The following PTK2B variants were observed in gnomAD, a reference collection of about 807,000 sequenced individuals.
PTK2B encodes protein-tyrosine kinase 2-beta.
Under a neutral mutation model 142.9 loss-of-function variants are expected in PTK2B, and 71 were observed. That is an observed-to-expected ratio of 0.50 (90% CI 0.41 to 0.61). The LOEUF is 0.61. Among genes scored for constraint, PTK2B ranks in the 20% least tolerant of loss-of-function variants. The probability of loss-of-function intolerance (pLI) is 0.00; values close to 1 mark genes in which losing one functional copy is unlikely to be tolerated. For missense variants in PTK2B, 1,105 were observed against 1,320.4 expected, an observed-to-expected ratio of 0.84 and a Z score of 2.53; for synonymous variants, 519 against 503.4, an observed-to-expected ratio of 1.03 and a Z score of -0.42.
At chr8:27,419,848 C>T (rs2131821616) in intron 2 of PTK2B, 47 bp from the exon 3 acceptor site, 2 of 1,601,024 alleles carry the variant, frequency 1.2e-6, no homozygotes, top group South Asian at 2.2e-5. Context: ...TTATGGGAGC[C>T]CAAAGGTGGG....
In PTK2B at chr8:27,409,700, CCTT is replaced by C. The variant is rs548854542; in HGVS notation, c.205-10191_205-10189del. ...TTTTGTCCTCAACCTCAGAGTGACA[CCTT>C]CTTAAATAAAATGTAAGCAAGACTT... On this transcript the variant is annotated intron_variant, in intron 2 of 30. Coordinates refer to ENST00000346049, the MANE Select transcript of PTK2B (RefSeq NM_173176.3). 3.1e-3 allele frequency among the ~76,000 whole-genome samples: 472 copies of C among 152,274 alleles called. 3 individuals carry two copies. The highest frequency in any genetic ancestry group is 0.011 in the African/African-American group (449 of 41,540).
intron 1 of PTK2B, among the ~76,000 whole-genome samples, chr8:27,351,861 G>A (rs536221926): frequency 2.6e-5 from 4 of 152,144 alleles, no homozygotes; most frequent in Non-Finnish European, 4.4e-5. Context: ...TTTGACTTTC[G>A]TAACCCACTT....
rs186908748 is a variant in PTK2B at position 27,363,043 on chromosome 8, C to G, written c.-37-34505C>G. On this transcript the variant is annotated intron_variant, in intron 1 of 30. Transcript: ENST00000346049. The surrounding 1 kb of genome is among the most constrained non-coding windows in gnomAD (Gnocchi z 4.3). ...AAGCAGCTCCTTGGATAGCATCACTCCTGTTCTCGTCATGGTGGAAAATGA... is the reference window on the plus strand; with the variant it reads ...AAGCAGCTCCTTGGATAGCATCACTGCTGTTCTCGTCATGGTGGAAAATGA... Among the ~76,000 whole-genome samples, 1 of 152,222 alleles carries G rather than the reference C, an allele frequency of 6.6e-6. No homozygotes were observed.
At chr8:27,445,665 C>T (rs1811424689) in intron 23 of PTK2B, 129 bp from the exon 24 acceptor site, 3 of 1,360,244 alleles carry the variant, frequency 2.2e-6, no homozygotes, top group South Asian at 1.3e-5. Context: ...TCTTTATTAA[C>T]TCCTGGAGAG....
chr8:27,378,237 T>C (rs1052700909), intron 1 of PTK2B, among the ~76,000 whole-genome samples: 7 of 152,218 alleles, frequency 4.6e-5, no homozygotes, highest in African/African-American at 1.7e-4. Flanking sequence ...CCCAGAATTA[T>C]AGACCAAGAC....
upstream of PTK2B, chr8:27,311,239 A>C (rs757296009): frequency 4.4e-5 from 67 of 1,520,892 alleles, no homozygotes; most frequent in Non-Finnish European, 5.3e-5. Context: ...GCTCCATGGC[A>C]CGAGCAGCCG....
At chr8:27,320,918 T>C (rs148458293), upstream of PTK2B, among the ~76,000 whole-genome samples, 67 of 148,748 alleles carry the variant, frequency 4.5e-4, no homozygotes, top group African/African-American at 1.5e-3. Flanking sequence ...GCCCTCATCC[T>C]GAAGCTATCT....
chr8:27,344,165 G>A (rs770000288), intron 1 of PTK2B, among the ~76,000 whole-genome samples: 13 of 151,942 alleles, frequency 8.6e-5, no homozygotes, highest in South Asian at 2.1e-4. Context: ...GTATTTGTGC[G>A]CCCTCTCCCA....
At chr8:27,451,227 T>C in intron 26 of PTK2B, 149 bp downstream of exon 26, 2 of 1,072,496 alleles carry the variant, frequency 1.9e-6, no homozygotes, top group Non-Finnish European at 2.7e-6. Flanking sequence ...TCTTTTCCTT[T>C]TCTGCCAATC....
At chr8:27,406,895 A>G (rs886117025) in intron 2 of PTK2B, among the ~76,000 whole-genome samples, 5 of 152,208 alleles carry the variant, frequency 3.3e-5, no homozygotes, top group Non-Finnish European at 5.9e-5. Context: ...ACTGCATGTC[A>G]CCGGAAAGAA....
chr8:27,458,673 C>A lies in PTK2B; in HGVS notation c.*164C>A. The A allele has an allele frequency of 1.5e-6, 1 of 676,008 alleles. No homozygotes were observed. Among genetic ancestry groups the A allele is most frequent in the Non-Finnish European group, 2.5e-6 (1 of 399,390 alleles). The allele number at this position is 676,008 out of a possible 1,614,324, so 41.9% of individuals were successfully genotyped here. ...CTCCCCACCCCTACCCCTGGCTGTACTGCTCAGGCTGCAGCTGGACAGAGG... is the reference window on the plus strand; with the variant it reads ...CTCCCCACCCCTACCCCTGGCTGTAATGCTCAGGCTGCAGCTGGACAGAGG... On this transcript the variant is annotated 3_prime_UTR_variant, in exon 31 of 31. Coordinates refer to ENST00000346049, the MANE Select transcript of PTK2B (RefSeq NM_173176.3).
At chr8:27,393,770 C>T (rs1368760901) in intron 1 of PTK2B, among the ~76,000 whole-genome samples, 1 of 152,062 alleles carries the variant, frequency 6.6e-6, no homozygotes, top group Non-Finnish European at 1.5e-5. Flanking sequence ...AGCACCGCTT[C>T]CCCCACTATC....
intron 1 of PTK2B, among the ~76,000 whole-genome samples, chr8:27,348,534 A>G (rs905678729): frequency 6.6e-6 from 1 of 152,144 alleles, no homozygotes; most frequent in Non-Finnish European, 1.5e-5. Context: ...GGGAAGTGCG[A>G]TCGCACCTCC....
intron 1 of PTK2B, among the ~76,000 whole-genome samples, chr8:27,370,759 T>A (rs1416270362): frequency 6.6e-6 from 1 of 152,180 alleles, no homozygotes; most frequent in Non-Finnish European, 1.5e-5. Flanking sequence ...TCTCAGCCTG[T>A]GCATCAGACC....
chr8:27,434,575 C>T lies in PTK2B; in HGVS notation c.1192+16C>T. Reference sequence around the variant, plus strand: ...TGCAGCATAGGTGAGCTGCCCGCTGCATCCTCCACCTGCTCCAGTTGCCTC... The same window carrying T: ...TGCAGCATAGGTGAGCTGCCCGCTGTATCCTCCACCTGCTCCAGTTGCCTC... On this transcript the variant is annotated intron_variant, in intron 13 of 30. Transcript: ENST00000346049. 1.3e-6 allele frequency: 2 copies of T among 1,596,700 alleles called. No homozygotes were observed. Among genetic ancestry groups the T allele is most frequent in the Non-Finnish European group, 1.7e-6 (2 of 1,171,518 alleles).
At chr8:27,364,511 C>CTTTA (rs1478499723) in intron 1 of PTK2B, among the ~76,000 whole-genome samples, 1 of 152,198 alleles carries the variant, frequency 6.6e-6, no homozygotes, top group Non-Finnish European at 1.5e-5. Flanking sequence ...TTGAGGTGGG[C>CTTTA]TTTACCAAGA....
intron 30 of PTK2B, among the ~76,000 whole-genome samples, chr8:27,455,037 G>A (rs1812065383): frequency 6.6e-6 from 1 of 152,128 alleles, no homozygotes; most frequent in South Asian, 2.1e-4. Flanking sequence ...CAAAACAAGA[G>A]TCTTGGTGCT....
At chr8:27,319,869 AAAG>A (rs1333162855) in intron 3 of PTK2B, among the ~76,000 whole-genome samples, 2 of 152,190 alleles carry the variant, frequency 1.3e-5, no homozygotes, top group Admixed American at 6.5e-5. Context: ...GCTCTGAAGA[AAAG>A]AAAAACGCTG....
intron 5 of PTK2B, among the ~76,000 whole-genome samples, chr8:27,423,637 T>A (rs1025458283): frequency 6.6e-6 from 1 of 152,032 alleles, no homozygotes; most frequent in African/African-American, 2.4e-5. Flanking sequence ...TGTGACCTCA[T>A]GGTTAATAGA....
Sources: allele counts gnomAD v4.1 joint callset (sites outside exome capture counted in the v4.1 genomes callset), GRCh38; gene constraint gnomAD v4.1.1; non-coding constraint Gnocchi (gnomAD v3.1); transcripts MANE v1.5; gene names NCBI Gene and HGNC (gene_info 2026-07-23, HGNC 2026-07-21).